Variants in OR4K1 observed in about 807,000 individuals in gnomAD.
OR4K1 encodes the protein olfactory receptor 4K1.
In OR4K1, 16 loss-of-function variants were observed where a neutral mutation model predicts 14.4. The observed-to-expected ratio is 1.11, with a 90% CI of 0.75 to 1.68. OR4K1 has a LOEUF of 1.68. OR4K1 is among the 40% of genes most tolerant of loss of function. The pLI is 0.00. For missense variants in OR4K1, 548 were observed against 376.9 expected (o/e 1.45, Z -3.76); for synonymous variants, 181 against 133.1 (o/e 1.36, Z -2.48).
At chr14:19,922,122 A>T in the OR4K1 span, among the ~76,000 whole-genome samples, 1 of 152,048 alleles carries the variant, frequency 6.6e-6, no homozygotes, top group South Asian at 2.1e-4. Flanking sequence ...AAATAGCTAA[A>T]ATGCTTTAAA....
intron 1 of OR4K1, among the ~76,000 whole-genome samples, chr14:19,934,270 T>A (rs1882253643): frequency 6.6e-6 from 1 of 152,238 alleles, no homozygotes; most frequent in Non-Finnish European, 1.5e-5. Context: ...AGTGGCCACA[T>A]GTATTAAGCA....
rs150203206 is a variant in OR4K1, at chr14:19,932,466, T to C, written c.-20+1321T>C. On this transcript the variant is annotated intron_variant, in intron 1 of 1. Transcript: ENST00000641172. ...ATGCCTATTACGTTCCACTCTGAAA[T>C]GTAACAAGTGACATCGCCATTTCAC... Among the ~76,000 whole-genome samples, 408 of 152,304 alleles carry C rather than the reference T, an allele frequency of 2.7e-3. 1 individual carries two copies. The highest frequency in any genetic ancestry group is 9.4e-3 in the African/African-American group (390 of 41,546).
intron 1 of OR4K1, among the ~76,000 whole-genome samples, chr14:19,934,172 G>A (rs1304648250): frequency 6.6e-6 from 1 of 152,232 alleles, no homozygotes; most frequent in Admixed American, 6.5e-5. Flanking sequence ...ATAAATATCT[G>A]TTGTGTACTG....
chr14:19,921,827 CT>C, the OR4K1 span, among the ~76,000 whole-genome samples: 1 of 152,164 alleles, frequency 6.6e-6, no homozygotes, highest in Non-Finnish European at 1.5e-5. Flanking sequence ...GCATTTACTG[CT>C]TTTGTTACGG....
At chr14:19,921,449 C>T in the OR4K1 span, 1 of 1,614,096 alleles carries the variant, frequency 6.2e-7, no homozygotes, top group Non-Finnish European at 8.5e-7. Context: ...TCACCCCCGT[C>T]CTAAACCCCA....
At chr14:19,930,650 T>C (rs1384237900), upstream of OR4K1, among the ~76,000 whole-genome samples, 1 of 152,264 alleles carries the variant, frequency 6.6e-6, no homozygotes, top group Non-Finnish European at 1.5e-5. Flanking sequence ...ACCTGAATAC[T>C]TCCTTTGCTG....
the OR4K1 span, among the ~76,000 whole-genome samples, chr14:19,922,483 G>A: frequency 6.6e-6 from 1 of 152,106 alleles, no homozygotes; most frequent in African/African-American, 2.4e-5. Flanking sequence ...CCATCTAGGG[G>A]GCCTCACTCA....
chr14:19,935,608 T>G, intron 1 of OR4K1, 40 bp from the exon 2 acceptor site: 1 of 1,375,596 alleles, frequency 7.3e-7, no homozygotes, highest in Non-Finnish European at 1.0e-6. Flanking sequence ...GGTATTGTAA[T>G]GCCAATCATT....
chr14:19,927,581 C>T (rs542741614), upstream of OR4K1, among the ~76,000 whole-genome samples: 1 of 152,296 alleles, frequency 6.6e-6, no homozygotes, highest in African/African-American at 2.4e-5. Context: ...CATGGACTCT[C>T]TTTTATCAAG....
chr14:19,932,009 T>G (rs1258318030), intron 1 of OR4K1, among the ~76,000 whole-genome samples: 2 of 152,234 alleles, frequency 1.3e-5, no homozygotes, highest in Non-Finnish European at 2.9e-5. Context: ...ATTGGGTAAC[T>G]ACCTTAATTA....
chr14:19,929,074 TA>T (rs1261258794), upstream of OR4K1, among the ~76,000 whole-genome samples: 4 of 151,988 alleles, frequency 2.6e-5, no homozygotes, highest in South Asian at 8.3e-4. Flanking sequence ...TCCAAGATTA[TA>T]AAAAAATCTT....
upstream of OR4K1, among the ~76,000 whole-genome samples, chr14:19,927,296 T>C (rs568985674): frequency 5.2e-5 from 8 of 152,384 alleles, no homozygotes; most frequent in South Asian, 1.7e-3. Context: ...ATGACCTTCA[T>C]GGACACTCAG....
chr14:19,930,722 C>G (rs1475954828), upstream of OR4K1, among the ~76,000 whole-genome samples: 1 of 152,188 alleles, frequency 6.6e-6, no homozygotes. Context: ...AGTTGGCGAA[C>G]AAACAAACAA....
At chr14:19,924,237 C>T in the OR4K1 span, among the ~76,000 whole-genome samples, 1 of 152,006 alleles carries the variant, frequency 6.6e-6, no homozygotes. Context: ...CCCCTCTCTA[C>T]TAAAAATACA....
At chr14:19,920,744 C>T in the OR4K1 span, 3 of 1,614,012 alleles carry the variant, frequency 1.9e-6, no homozygotes, top group African/African-American at 2.7e-5. Flanking sequence ...TTCTCATTAT[C>T]CTCACAGTGA....
At chr14:19,924,400 C>CAAAAAAAAAAA in the OR4K1 span, among the ~76,000 whole-genome samples, 262 of 79,266 alleles carry the variant, frequency 3.3e-3, 3 homozygotes, top group East Asian at 3.9e-3. Flanking sequence ...AACTCCGTAT[C>CAAAAAAAAAAA]AAAAAAAAAA....
At chr14:19,933,300 G>T (rs1882227350) in intron 1 of OR4K1, among the ~76,000 whole-genome samples, 2 of 152,044 alleles carry the variant, frequency 1.3e-5, no homozygotes, top group South Asian at 4.1e-4. Flanking sequence ...GCATTTAATA[G>T]GCTTTCCACA....
chr14:19,920,358 C>T, the OR4K1 span, among the ~76,000 whole-genome samples: 1 of 152,166 alleles, frequency 6.6e-6, no homozygotes, highest in Non-Finnish European at 1.5e-5. Flanking sequence ...TATCCAAAAA[C>T]TCAAGGGGTT....
chr14:19,921,486 A>G, the OR4K1 span: 3 of 1,613,968 alleles, frequency 1.9e-6, no homozygotes, highest in African/African-American at 4.0e-5. Flanking sequence ...GAATAGGGAT[A>G]TGAAGGCTGC....
Sources: allele counts gnomAD v4.1 joint callset (sites outside exome capture counted in the v4.1 genomes callset), GRCh38; gene constraint gnomAD v4.1.1; transcripts MANE v1.5; gene names NCBI Gene and HGNC (gene_info 2026-07-23, HGNC 2026-07-21).